EYS: variants seen among roughly 807,000 people sequenced by gnomAD.
The protein encoded by EYS is EGF-like photoreceptor maintenance factor.
In EYS, 250 loss-of-function variants were observed where a neutral mutation model predicts 282.1. That is an observed-to-expected ratio of 0.89 (90% CI 0.80 to 0.98). EYS has a LOEUF of 0.98. Ranked by LOEUF, EYS falls within the 50% of genes least tolerant of loss-of-function variation. The pLI, the probability that EYS is intolerant of heterozygous loss-of-function variation, is 0.00. For synonymous variants in EYS, 1,355 were observed against 1,282.9 expected, an observed-to-expected ratio of 1.06 and a Z score of -1.20; for missense variants, 4,016 against 3,709.0, an observed-to-expected ratio of 1.08 and a Z score of -2.15.
At chr6:65,139,159 TA>T (rs1433694589) in intron 12 of EYS, among the ~76,000 whole-genome samples, 1 of 151,964 alleles carries the variant, frequency 6.6e-6, no homozygotes, top group African/African-American at 2.4e-5. Context: ...CTATTCACAA[TA>T]GTAAAGGCAA....
chr6:64,547,988 A>C (rs1455443508), intron 26 of EYS, among the ~76,000 whole-genome samples: 1 of 152,202 alleles, frequency 6.6e-6, no homozygotes, highest in Non-Finnish European at 1.5e-5. Flanking sequence ...GGGACCAGCC[A>C]AGCCCATGCC....
intron 2 of EYS, among the ~76,000 whole-genome samples, chr6:65,527,926 T>C (rs1767630116): frequency 6.6e-6 from 1 of 152,014 alleles, no homozygotes; most frequent in Non-Finnish European, 1.5e-5. Flanking sequence ...GGCAAAGGAG[T>C]TGGTTCAATA....
chr6:65,511,984 CAAAAAAAAAAA>C (rs11368301), intron 2 of EYS, among the ~76,000 whole-genome samples: 46 of 94,830 alleles, frequency 4.9e-4, no homozygotes, highest in East Asian at 2.9e-3. Context: ...AACTCTGTCT[CAAAAAAAAAAA>C]AAAAAAAAAA....
At chr6:65,039,461 A>G (rs1772867028) in intron 13 of EYS, among the ~76,000 whole-genome samples, 1 of 151,470 alleles carries the variant, frequency 6.6e-6, no homozygotes, top group Non-Finnish European at 1.5e-5. Context: ...CTTATTGGCC[A>G]TTATATGTTT....
chr6:63,875,084 T>C (rs1471010211), intron 35 of EYS, among the ~76,000 whole-genome samples: 3 of 152,212 alleles, frequency 2.0e-5, no homozygotes, highest in African/African-American at 7.2e-5. Flanking sequence ...TTTTTGCCCA[T>C]TCAGTATGAT....
chr6:65,145,885 A>G (rs909978299), intron 12 of EYS, among the ~76,000 whole-genome samples: 2 of 152,010 alleles, frequency 1.3e-5, no homozygotes, highest in African/African-American at 4.8e-5. Flanking sequence ...ATAGGAATAT[A>G]TTACTGAACT....
chr6:64,681,395 C>T (rs191928748), intron 22 of EYS, among the ~76,000 whole-genome samples: 3 of 152,024 alleles, frequency 2.0e-5, no homozygotes, highest in Admixed American at 1.3e-4. Context: ...TAGAGTGTGA[C>T]AATAACTGAA....
chr6:63,817,277 G>A (rs944767204), intron 36 of EYS, among the ~76,000 whole-genome samples: 5 of 152,178 alleles, frequency 3.3e-5, no homozygotes, highest in Admixed American at 6.5e-5. Context: ...AACAGGGGAT[G>A]GTGAGGCCAC....
intron 12 of EYS, among the ~76,000 whole-genome samples, chr6:65,209,403 A>G (rs536066896): frequency 1.3e-5 from 2 of 151,884 alleles, no homozygotes; most frequent in Non-Finnish European, 2.9e-5. Context: ...TCCACAAATC[A>G]GGATTTATTA....
chr6:64,296,618 TTTTTTTG>T (rs1450991780), intron 30 of EYS, among the ~76,000 whole-genome samples: 1 of 14,404 alleles, frequency 6.9e-5, no homozygotes, highest in African/African-American at 1.6e-4. Context: ...TTTTTTTTTT[TTTTTTTG>T]AGACGGAATC....
intron 22 of EYS, among the ~76,000 whole-genome samples, chr6:64,760,322 G>A (rs1583125530): frequency 6.6e-6 from 1 of 152,006 alleles, no homozygotes; most frequent in African/African-American, 2.4e-5. Flanking sequence ...AGCTATCCAG[G>A]TTTGACTAAT....
chr6:64,640,587 G>T (rs1768100794), intron 22 of EYS, among the ~76,000 whole-genome samples: 5 of 151,188 alleles, frequency 3.3e-5, no homozygotes, highest in Admixed American at 3.3e-4. Context: ...GGGGAGTGGG[G>T]AGGGATAGCA....
rs556274952 is a variant in EYS, at chr6:64,358,280, C to T, written c.6078+30410G>A. On this transcript the variant is annotated intron_variant, in intron 29 of 42. Transcript: ENST00000503581. Reference sequence around the variant, plus strand: ...TGAAAGGCTCTTTCACCAGAGGGTGCCAGAAAGTTATGATGCTTCTGAACT... The same window carrying T: ...TGAAAGGCTCTTTCACCAGAGGGTGTCAGAAAGTTATGATGCTTCTGAACT... 2.8e-4 allele frequency among the ~76,000 whole-genome samples: 42 copies of T among 151,664 alleles called. 1 individual carries two copies. The highest frequency in any genetic ancestry group is 2.7e-3 in the South Asian group (13 of 4,820).
At chr6:65,204,543 T>G (rs1056845304) in intron 12 of EYS, among the ~76,000 whole-genome samples, 9 of 151,846 alleles carry the variant, frequency 5.9e-5, no homozygotes, top group Admixed American at 1.3e-4. Context: ...TCAAAAGAGT[T>G]CTAAACATGG....
intron 26 of EYS, among the ~76,000 whole-genome samples, chr6:64,446,113 T>G (rs540939154): frequency 8.2e-4 from 125 of 152,334 alleles, no homozygotes; most frequent in African/African-American, 2.9e-3. Flanking sequence ...GAAACTCATA[T>G]GGAGTTTAAG....
At chr6:64,079,729 G>C (rs1562189556) in intron 32 of EYS, among the ~76,000 whole-genome samples, 2 of 152,098 alleles carry the variant, frequency 1.3e-5, no homozygotes, top group East Asian at 3.9e-4. Flanking sequence ...CCGCTCCCCT[G>C]ATACCACAAC....
At position 64,590,767 on chromosome 6, in the gene EYS, T is replaced by A. The variant is rs1267480820; in HGVS notation, c.5100A>T (p.Lys1700Asn). The A allele has an allele frequency of 3.2e-5, 49 of 1,550,356 alleles. No homozygotes were observed. Among genetic ancestry groups the A allele is most frequent in the Non-Finnish European group, 4.1e-5 (47 of 1,146,118 alleles). Residue 1700 changes from lysine (K) to asparagine (N), a missense_variant, in exon 26 of 43, where the codon AAA (lysine) becomes AAT (asparagine). Transcript: ENST00000503581. ...TGCCATATTGTCTTATTTTCAATAG[T>A]TTTAAAATGTTTTCTGATACTGACA... Reference protein sequence around the residue: ...DELSVSENILKLLKIRQYGIT... With the variant: ...DELSVSENILNLLKIRQYGIT...
At chr6:64,949,207 C>T (rs2150098332) in intron 14 of EYS, among the ~76,000 whole-genome samples, 1 of 151,966 alleles carries the variant, frequency 6.6e-6, no homozygotes, top group East Asian at 1.9e-4. Flanking sequence ...AATGTATTGT[C>T]TCACAGTTTC....
chr6:64,254,125 A>G (rs909535795), intron 30 of EYS, among the ~76,000 whole-genome samples: 4 of 151,988 alleles, frequency 2.6e-5, no homozygotes, highest in Non-Finnish European at 4.4e-5. Context: ...TTAAACAATT[A>G]TTTGGCCTTT....
Sources: allele counts gnomAD v4.1 joint callset (sites outside exome capture counted in the v4.1 genomes callset), GRCh38; gene constraint gnomAD v4.1.1; transcripts MANE v1.5; gene names NCBI Gene and HGNC (gene_info 2026-07-23, HGNC 2026-07-21).